The following TDRD10 variants were observed in gnomAD, a reference collection of about 807,000 sequenced individuals.
TDRD10 encodes tudor domain containing 10.
Under a neutral mutation model 48.0 loss-of-function variants are expected in TDRD10, and 40 were observed. The ratio of observed to expected loss-of-function variants is 0.83; its 90% confidence interval spans 0.65 to 1.09. The LOEUF (loss-of-function observed/expected upper bound fraction) is 1.09. Ranked by LOEUF, TDRD10 falls within the 50% of genes least tolerant of loss-of-function variation. The pLI is 0.00. For missense variants in TDRD10, 378 were observed against 434.7 expected, an observed-to-expected ratio of 0.87 and a Z score of 1.16; for synonymous variants, 162 against 170.4, an observed-to-expected ratio of 0.95 and a Z score of 0.38.
At chr1:154,546,767 A>C (rs935258628) in intron 11 of TDRD10, among the ~76,000 whole-genome samples, 3 of 152,222 alleles carry the variant, frequency 2.0e-5, no homozygotes, top group Non-Finnish European at 4.4e-5. Context: ...GATAAGTCAG[A>C]CAAGCGTCAG....
chr1:154,533,044 G>A (rs1188753523), intron 6 of TDRD10, among the ~76,000 whole-genome samples: 1 of 152,174 alleles, frequency 6.6e-6, no homozygotes, highest in African/African-American at 2.4e-5. Flanking sequence ...TTCCCAAGTG[G>A]TTTCTATTGA....
At chr1:154,518,545 A>G (rs1470462353) in intron 4 of TDRD10, among the ~76,000 whole-genome samples, 2 of 152,092 alleles carry the variant, frequency 1.3e-5, no homozygotes, top group East Asian at 3.8e-4. Flanking sequence ...CTCCTGCCTC[A>G]GCCTTCTGAG....
At chr1:154,541,307 G>C (rs1381046773) in intron 6 of TDRD10, among the ~76,000 whole-genome samples, 1 of 152,002 alleles carries the variant, frequency 6.6e-6, no homozygotes, top group East Asian at 1.9e-4. Flanking sequence ...TGGTGGTGGG[G>C]GTTGGGAGAA....
chr1:154,504,444 CA>C (rs1262817344), intron 1 of TDRD10, among the ~76,000 whole-genome samples: 2 of 152,298 alleles, frequency 1.3e-5, no homozygotes, highest in Non-Finnish European at 1.5e-5. Flanking sequence ...GAGAGCCTGC[CA>C]AACTTTTCCA....
Position 154,520,379 on chromosome 1 carries a change from T to C in TDRD10, c.212+5T>C. 6.2e-7 allele frequency: 1 copy of C among 1,611,130 alleles called. No individual in the cohort carries two copies. On this transcript the variant is annotated splice_donor_5th_base_variant and intron_variant, in intron 5 of 12. Coordinates refer to ENST00000368482, the MANE Select transcript of TDRD10 (RefSeq NM_182499.4). ...AATCCAGAATGGCTGCAAATGGTAA[T>C]GACTGTTCTTTCTTTGTTTTCTTTG...
At chr1:154,546,996 C>T (rs1695630635) in intron 11 of TDRD10, among the ~76,000 whole-genome samples, 1 of 152,066 alleles carries the variant, frequency 6.6e-6, no homozygotes, top group Admixed American at 6.6e-5. Flanking sequence ...TTTTGATGAG[C>T]TCCCTGCCTG....
At chr1:154,507,396 C>A in intron 3 of TDRD10, 76 bp downstream of exon 3, 1 of 1,529,926 alleles carries the variant, frequency 6.5e-7, no homozygotes, top group South Asian at 1.2e-5. Context: ...GGTTCCCAGT[C>A]TGCCCAGTTT....
chr1:154,504,996 A>C (rs187440745), intron 1 of TDRD10, among the ~76,000 whole-genome samples: 30 of 152,324 alleles, frequency 2.0e-4, no homozygotes, highest in East Asian at 1.3e-3. Flanking sequence ...CAAAAACAAA[A>C]AACAACAACA....
intron 6 of TDRD10, among the ~76,000 whole-genome samples, chr1:154,521,983 T>C (rs1694084102): frequency 1.3e-5 from 2 of 152,116 alleles, no homozygotes; most frequent in African/African-American, 4.8e-5. Context: ...CCTGGGAGCT[T>C]CCCTCAAAAG....
intron 6 of TDRD10, among the ~76,000 whole-genome samples, chr1:154,528,067 T>G (rs1330858796): frequency 3.3e-5 from 5 of 152,178 alleles, no homozygotes; most frequent in Non-Finnish European, 7.3e-5. Flanking sequence ...TTTCTTTGTT[T>G]TCCTGAGGCT....
At chr1:154,522,712 C>T (rs184956785) in intron 6 of TDRD10, among the ~76,000 whole-genome samples, 189 of 152,340 alleles carry the variant, frequency 1.2e-3, no homozygotes, top group Non-Finnish European at 1.9e-3. Flanking sequence ...CTTCCTTTCT[C>T]TCTTAAGCCC....
chr1:154,548,021 A>T lies in TDRD10; in HGVS notation c.*311A>T. 1 of 471,580 alleles carries T rather than the reference A, an allele frequency of 2.1e-6. No homozygotes were observed. The allele number at this position is 471,580 out of a possible 1,614,324, so 29.2% of individuals were successfully genotyped here. ...GTGTCTCTTCTTTGCACCCCAGAGC[A>T]TGATATAAGTGGTCCTAACAGATTC... is the stretch of plus-strand genomic sequence containing the variant. On this transcript the variant is annotated 3_prime_UTR_variant, in exon 13 of 13. Transcript: ENST00000368482.
intron 6 of TDRD10, among the ~76,000 whole-genome samples, chr1:154,541,171 A>T (rs1435053818): frequency 6.6e-6 from 1 of 151,998 alleles, no homozygotes; most frequent in Non-Finnish European, 1.5e-5. Flanking sequence ...AAAGGCTCAC[A>T]CGGGAGGGAG....
Position 154,547,990 on chromosome 1 carries a change from T to C in TDRD10, c.*280T>C. 1 of 532,774 alleles carries C rather than the reference T, an allele frequency of 1.9e-6. No individual in the cohort carries two copies. Among genetic ancestry groups the C allele is most frequent in the Non-Finnish European group, 3.3e-6 (1 of 300,466 alleles). 33.0% of individuals were successfully genotyped at this position (532,774 alleles called of 1,614,324 possible). A position where few individuals can be genotyped will look rare whatever the true frequency, so the allele number is the denominator to read the frequency against. ...AAAGCCTGAGGCAGCTGGGATGGTCTTTCTTGTGTCTCTTCTTTGCACCCC... is the reference window on the plus strand; with the variant it reads ...AAAGCCTGAGGCAGCTGGGATGGTCCTTCTTGTGTCTCTTCTTTGCACCCC... On this transcript the variant is annotated 3_prime_UTR_variant, in exon 13 of 13. Transcript: ENST00000368482.
chr1:154,534,874 A>G (rs1694838265), intron 6 of TDRD10, among the ~76,000 whole-genome samples: 2 of 152,232 alleles, frequency 1.3e-5, no homozygotes, highest in Non-Finnish European at 2.9e-5. Flanking sequence ...ATCAAATGAT[A>G]TAAGATAATT....
At chr1:154,508,320 G>A in intron 3 of TDRD10, 103 bp from the exon 4 acceptor site, 2 of 798,254 alleles carry the variant, frequency 2.5e-6, no homozygotes, top group Non-Finnish European at 4.3e-6. Context: ...TTTGAGACCA[G>A]ACTGGGCAAC....
intron 6 of TDRD10, among the ~76,000 whole-genome samples, chr1:154,522,957 C>T (rs1694131601): frequency 6.6e-6 from 1 of 152,156 alleles, no homozygotes; most frequent in Non-Finnish European, 1.5e-5. Context: ...ATTCTGTTGC[C>T]CAGGCTGGAG....
chr1:154,515,130 A>T (rs1178700796), intron 4 of TDRD10, among the ~76,000 whole-genome samples: 1 of 152,046 alleles, frequency 6.6e-6, no homozygotes, highest in South Asian at 2.1e-4. Flanking sequence ...AGCTTCCCAG[A>T]GTGCTGGGAT....
intron 4 of TDRD10, 128 bp from the exon 5 acceptor site, chr1:154,520,176 C>A: frequency 1.5e-6 from 1 of 686,096 alleles, no homozygotes. Context: ...GCACGTACAG[C>A]ACATAATAGA....
Sources: gnomAD v4.1 joint callset for allele counts (sites outside exome capture counted in the v4.1 genomes callset) on GRCh38, gnomAD v4.1.1 for gene constraint, MANE v1.5 for transcripts, NCBI Gene and HGNC (gene_info 2026-07-23, HGNC 2026-07-21) for gene names.